CSGALNACT2: variants seen among roughly 807,000 people sequenced by gnomAD.
CSGALNACT2 encodes beta 4 GalNAcT-2.
CSGALNACT2 carries 35 observed loss-of-function variants against 55.3 expected under a neutral mutation model. That is an observed-to-expected ratio of 0.63 (90% CI 0.48 to 0.84). CSGALNACT2 has a LOEUF of 0.84. Ranked by LOEUF, CSGALNACT2 falls within the 40% of genes least tolerant of loss-of-function variation. CSGALNACT2 has a pLI of 0.00. For missense variants in CSGALNACT2, 544 were observed against 657.5 expected (o/e 0.83, Z 1.89); for synonymous variants, 196 against 224.9 (o/e 0.87, Z 1.15).
At chr10:43,141,635 A>G in intron 1 of CSGALNACT2, among the ~76,000 whole-genome samples, 1 of 150,752 alleles carries the variant, frequency 6.6e-6, no homozygotes. Context: ...AAAAAAAAAA[A>G]AAAAAAAAAA....
intron 1 of CSGALNACT2, among the ~76,000 whole-genome samples, chr10:43,145,410 CTTT>C (rs71016727): frequency 1.0e-5 from 1 of 99,418 alleles, no homozygotes; most frequent in Non-Finnish European, 1.9e-5. Context: ...TTGTTTGTTT[CTTT>C]TTTTTTTTTT....
chr10:43,144,985 T>C (rs901925124), intron 1 of CSGALNACT2, among the ~76,000 whole-genome samples: 13 of 152,198 alleles, frequency 8.5e-5, no homozygotes, highest in African/African-American at 3.1e-4. Context: ...CAGAGTTTAT[T>C]CCTTTTTATT....
intron 1 of CSGALNACT2, among the ~76,000 whole-genome samples, chr10:43,149,829 AG>A (rs1463303706): frequency 6.6e-6 from 1 of 152,116 alleles, no homozygotes; most frequent in Non-Finnish European, 1.5e-5. Context: ...GCACTTTTCG[AG>A]GCTGAGGCGG....
At chr10:43,141,169 A>G (rs1484746221) in intron 1 of CSGALNACT2, among the ~76,000 whole-genome samples, 4 of 152,126 alleles carry the variant, frequency 2.6e-5, no homozygotes, top group Non-Finnish European at 4.4e-5. Flanking sequence ...TCTGGATTCC[A>G]GGAGTTTGAG....
Position 43,155,438 on chromosome 10 carries a change from C to T in CSGALNACT2, c.289C>T (p.Gln97Ter). 1.9e-6 allele frequency: 3 copies of T among 1,614,078 alleles called. No homozygotes were observed. The highest frequency in any genetic ancestry group is 2.5e-6 in the Non-Finnish European group (3 of 1,180,020). ...AATGAGTGAGAAGATGCGGTCACTG[C>T]AAGAAAGAAGGAATGTAGGGGCTAA... ...QEMSEKMRSL[Q>*]ERRNVGANGI... The change falls in exon 2 of 8, where the codon CAA (glutamine) becomes TAA (stop). Residue 97 changes from glutamine (Q) to a stop codon, truncating the protein, a stop_gained. Coordinates refer to ENST00000374466, the MANE Select transcript of CSGALNACT2 (RefSeq NM_018590.5). LOFTEE classifies it high-confidence loss of function.
chr10:43,165,719 G>A (rs1839250645), intron 5 of CSGALNACT2, among the ~76,000 whole-genome samples: 1 of 152,162 alleles, frequency 6.6e-6, no homozygotes, highest in African/African-American at 2.4e-5. Flanking sequence ...GGCTGGGCGT[G>A]GTGGTTCATG....
At chr10:43,148,005 C>A (rs772127101) in intron 1 of CSGALNACT2, among the ~76,000 whole-genome samples, 7 of 151,986 alleles carry the variant, frequency 4.6e-5, no homozygotes, top group Non-Finnish European at 8.8e-5. Context: ...AGGTTTTGTT[C>A]TAAGAGTTTT....
chr10:43,162,928 C>T lies in CSGALNACT2; in HGVS notation c.981-938C>T, dbSNP rs117126259. Reference sequence around the variant, plus strand: ...TTCTCTTTGCCTTTAGGATACTGACCAATTTCTTTAACCTTGCATGGGAGG... The same window carrying T: ...TTCTCTTTGCCTTTAGGATACTGACTAATTTCTTTAACCTTGCATGGGAGG... On this transcript the variant is annotated intron_variant, in intron 4 of 7. Transcript: ENST00000374466. 9.2e-3 allele frequency: 9,057 copies of T among 985,350 alleles called. 56 individuals carry two copies. Among genetic ancestry groups the T allele is most frequent in the Non-Finnish European group, 1.0e-2 (8,297 of 829,874 alleles). 61.0% of individuals were successfully genotyped at this position (985,350 alleles called of 1,614,324 possible).
intron 7 of CSGALNACT2, among the ~76,000 whole-genome samples, chr10:43,177,959 G>T (rs1484053034): frequency 6.6e-6 from 1 of 152,196 alleles, no homozygotes; most frequent in Non-Finnish European, 1.5e-5. Flanking sequence ...TATCACCCAT[G>T]ATAGTGGATG....
In CSGALNACT2 at chr10:43,182,260, T is replaced by C. The variant is rs533877430; in HGVS notation, c.1337-990T>C. Among the ~76,000 whole-genome samples, 3 of 152,176 alleles carry C rather than the reference T, an allele frequency of 2.0e-5. No individual in the cohort carries two copies. The East Asian group carries it at 5.8e-4, about 30-fold the overall frequency. ...AATTCTTCACTGAATAGCACACACT[T>C]GACAACTTCTTCCTCAAGACACTTT... On this transcript the variant is annotated intron_variant, in intron 7 of 7. Coordinates refer to ENST00000374466, the MANE Select transcript of CSGALNACT2 (RefSeq NM_018590.5).
chr10:43,152,250 C>T (rs1397054046), intron 1 of CSGALNACT2, among the ~76,000 whole-genome samples: 2 of 152,104 alleles, frequency 1.3e-5, no homozygotes, highest in Non-Finnish European at 1.5e-5. Flanking sequence ...AGAATGATGA[C>T]AATCAAGATG....
Position 43,141,692 on chromosome 10 carries a change from A to G in CSGALNACT2, c.-254+3125A>G, listed in dbSNP as rs376533283. On this transcript the variant is annotated intron_variant, in intron 1 of 7. Transcript: ENST00000374466. Reference sequence around the variant, plus strand: ...TACCCATGACATGCAAAGTAGATCTAGAAGAGTCAATATACATCTAATAGG... The same window carrying G: ...TACCCATGACATGCAAAGTAGATCTGGAAGAGTCAATATACATCTAATAGG... Among the ~76,000 whole-genome samples the G allele has an allele frequency of 1.7e-4, 26 of 151,820 alleles. 1 individual carries two copies. In the East Asian group the frequency reaches 2.9e-3, roughly 17 times the overall value.
intron 6 of CSGALNACT2, 24 bp downstream of exon 6, chr10:43,167,122 A>G (rs1839282215): frequency 1.4e-6 from 2 of 1,407,240 alleles, no homozygotes; most frequent in African/African-American, 1.4e-5. Context: ...ATTTTCAGTT[A>G]TGAAAGACTC....
intron 4 of CSGALNACT2, chr10:43,162,871 G>C (rs1177353971): frequency 1.0e-6 from 1 of 984,816 alleles, no homozygotes; most frequent in Non-Finnish European, 1.2e-6. Context: ...CTCACTGTGA[G>C]AACCACTGCC....
intron 7 of CSGALNACT2, among the ~76,000 whole-genome samples, chr10:43,178,612 C>G (rs1237017623): frequency 7.2e-6 from 1 of 139,776 alleles, no homozygotes; most frequent in Non-Finnish European, 1.5e-5. Flanking sequence ...CAGAGTGAGA[C>G]TCCATCAAAA....
Position 43,163,861 on chromosome 10 carries a change from C to T in CSGALNACT2, c.981-5C>T, listed in dbSNP as rs999822387. 7.4e-6 allele frequency: 12 copies of T among 1,610,824 alleles called. No homozygotes were observed. In the African/African-American group the frequency reaches 1.5e-4, roughly 20 times the overall value. On this transcript the variant is annotated splice_region_variant and splice_polypyrimidine_tract_variant and intron_variant, in intron 4 of 7. Transcript: ENST00000374466. ...TATCATTTGTTGTGTGTGCTTTCCT[C>T]ATAGTGAGTCTAATTTTCACAATTA...
At chr10:43,146,961 A>ATTTTTTTTT (rs1564509484) in intron 1 of CSGALNACT2, among the ~76,000 whole-genome samples, 1 of 111,910 alleles carries the variant, frequency 8.9e-6, no homozygotes, top group Non-Finnish European at 1.7e-5. Flanking sequence ...AATGTTGAGC[A>ATTTTTTTTT]TCTTTTTTTT....
Position 43,155,782 on chromosome 10 carries a change from G to T in CSGALNACT2, c.633G>T (p.Leu211=). 1.2e-6 allele frequency: 2 copies of T among 1,608,024 alleles called. No individual in the cohort carries two copies. Among genetic ancestry groups the T allele is most frequent in the Non-Finnish European group, 1.7e-6 (2 of 1,177,350 alleles). ...EDEEGPLGEK[L]IFNENDFVEG... The stretch of plus-strand genomic sequence containing the variant: ...AGGAGGGTCCCCTTGGAGAGAAACT[G>T]ATATTTAATGAAAATGACTTCGTAG... Residue 211 remains leucine, a synonymous_variant, in exon 2 of 8, where the codon CTG becomes CTT. Transcript: ENST00000374466.
intron 7 of CSGALNACT2, among the ~76,000 whole-genome samples, chr10:43,176,356 T>G (rs1839481200): frequency 6.6e-6 from 1 of 152,224 alleles, no homozygotes; most frequent in South Asian, 2.1e-4. Flanking sequence ...ATAACTTTAC[T>G]GTTGTGCCCA....
Sources: gnomAD v4.1 joint callset for allele counts (sites outside exome capture counted in the v4.1 genomes callset) on GRCh38, gnomAD v4.1.1 for gene constraint, MANE v1.5 for transcripts, NCBI Gene and HGNC (gene_info 2026-07-23, HGNC 2026-07-21) for gene names.